The following RFX2 variants were observed in gnomAD, a reference collection of about 807,000 sequenced individuals.
RFX2 encodes regulatory factor X2.
RFX2 carries 20 observed loss-of-function variants against 87.8 expected under a neutral mutation model. The observed-to-expected ratio is 0.23, with a 90% CI of 0.16 to 0.33. The LOEUF is 0.33. RFX2 is among the 10% of genes least tolerant of loss of function. RFX2 has a pLI of 1.00. For missense variants in RFX2, 767 were observed against 1,012.3 expected (o/e 0.76, Z 3.29); for synonymous variants, 397 against 431.3 (o/e 0.92, Z 0.98).
At position 6,044,478 on chromosome 19, in the gene RFX2, G is replaced by A. The variant is rs1176387831; in HGVS notation, c.91-196C>T. Among the ~76,000 whole-genome samples the A allele has an allele frequency of 1.3e-5, 2 of 152,210 alleles. No individual in the cohort carries two copies. The highest frequency in any genetic ancestry group is 2.9e-5 in the Non-Finnish European group (2 of 68,032). On this transcript the variant is annotated intron_variant, in intron 2 of 17. Transcript: ENST00000303657. This position sits in a 1 kb window ranked among gnomAD's most constrained non-coding sequence, Gnocchi z 5.3. ...CTGGGCAGACACACGGCAGGTACGT[G>A]CAGGCACACAAACAATGCACATACA...
chr19:6,104,365 C>T (rs1340073677), intron 1 of RFX2, among the ~76,000 whole-genome samples: 1 of 151,562 alleles, frequency 6.6e-6, no homozygotes, highest in Non-Finnish European at 1.5e-5. Context: ...GTCAGGAGAT[C>T]GAGACCATCC....
intron 7 of RFX2, among the ~76,000 whole-genome samples, chr19:6,014,895 G>A (rs994054228): frequency 2.6e-5 from 4 of 152,216 alleles, no homozygotes; most frequent in Non-Finnish European, 4.4e-5. Flanking sequence ...TTGAGAGCAC[G>A]TGAGTCAGCC....
chr19:6,092,667 C>A (rs1309349232), intron 1 of RFX2, among the ~76,000 whole-genome samples: 1 of 142,278 alleles, frequency 7.0e-6, no homozygotes, highest in Admixed American at 7.5e-5. Context: ...GTCAGTCACA[C>A]GTGGACTGTA....
At position 6,002,974 on chromosome 19, in the gene RFX2, A is replaced by T; in HGVS notation, c.1501-104T>A. ...CTCAGGGACAACACAGGGAGGAGGG[A>T]GCAGGAAACAGCAACCTGGGCAGGG... On this transcript the variant is annotated intron_variant, in intron 13 of 17. Transcript: ENST00000303657. The surrounding 1 kb of genome is among the most constrained non-coding windows in gnomAD (Gnocchi z 6.7). The T allele has an allele frequency of 7.9e-7, 1 of 1,261,178 alleles. No individual in the cohort carries two copies. Among genetic ancestry groups the T allele is most frequent in the Non-Finnish European group, 1.1e-6 (1 of 919,548 alleles). 78.1% of individuals were successfully genotyped at this position (1,261,178 alleles called of 1,614,324 possible). A position where few individuals can be genotyped will look rare whatever the true frequency, so the allele number is the denominator to read the frequency against.
At position 6,056,477 on chromosome 19, in the gene RFX2, G is replaced by T. The variant is rs1045526952; in HGVS notation, c.-8-8973C>A. Among the ~76,000 whole-genome samples, 1 of 152,190 alleles carries T rather than the reference G, an allele frequency of 6.6e-6. No homozygotes were observed. The highest frequency in any genetic ancestry group is 2.4e-5 in the African/African-American group (1 of 41,446). ...GGTCCTCCCAGAAGGGGTGATGCTGGATCCTGAGTAACTCCTCCACCTGGC... is the reference window on the plus strand; with the variant it reads ...GGTCCTCCCAGAAGGGGTGATGCTGTATCCTGAGTAACTCCTCCACCTGGC... On this transcript the variant is annotated intron_variant, in intron 1 of 17. Transcript: ENST00000303657. The surrounding 1 kb of genome is among the most constrained non-coding windows in gnomAD (Gnocchi z 4.6).
intron 1 of RFX2, among the ~76,000 whole-genome samples, chr19:6,087,244 C>T (rs998604321): frequency 1.3e-5 from 2 of 152,130 alleles, no homozygotes; most frequent in African/African-American, 2.4e-5. Context: ...GACGCACACC[C>T]GTCTCCAGCA....
intron 5 of RFX2, among the ~76,000 whole-genome samples, chr19:6,029,271 A>G (rs936718118): frequency 5.3e-5 from 8 of 151,902 alleles, no homozygotes; most frequent in Non-Finnish European, 1.0e-4. Context: ...AAAAAAAAAG[A>G]AAGTATGGCC....
chr19:6,100,089 T>C (rs994099710), intron 1 of RFX2, among the ~76,000 whole-genome samples: 1 of 152,176 alleles, frequency 6.6e-6, no homozygotes, highest in Non-Finnish European at 1.5e-5. Context: ...CAAGTTTCCA[T>C]GGCAAGAGGG....
At position 6,024,653 on chromosome 19, in the gene RFX2, C is replaced by T. The variant is rs1156903651; in HGVS notation, c.597+1510G>A. Among the ~76,000 whole-genome samples, 1 of 152,234 alleles carries T rather than the reference C, an allele frequency of 6.6e-6. No homozygotes were observed. Among genetic ancestry groups the T allele is most frequent in the African/African-American group, 2.4e-5 (1 of 41,460 alleles). On this transcript the variant is annotated intron_variant, in intron 6 of 17. Transcript: ENST00000303657. The surrounding 1 kb of genome is among the most constrained non-coding windows in gnomAD (Gnocchi z 5.0). Reference sequence around the variant, plus strand: ...ATCACTTTCTGCCCCCAGAATCACTCACTGCCTTTTGATAACGCCTCATTT... The same window carrying T: ...ATCACTTTCTGCCCCCAGAATCACTTACTGCCTTTTGATAACGCCTCATTT...
In RFX2 at chr19:5,998,591, C is replaced by T. The variant is rs1179590906; in HGVS notation, c.1860-1378G>A. On this transcript the variant is annotated intron_variant, in intron 15 of 17. Coordinates refer to ENST00000303657, the MANE Select transcript of RFX2 (RefSeq NM_000635.4). The surrounding 1 kb of genome is among the most constrained non-coding windows in gnomAD (Gnocchi z 4.2). ...AGCATAGCTGCAAAGCCCCCAGCCC[C>T]CTCCTGTTCCTCCGGGCCCACCCAG... Among the ~76,000 whole-genome samples, 4 of 152,232 alleles carry T rather than the reference C, an allele frequency of 2.6e-5. No individual in the cohort carries two copies. The highest frequency in any genetic ancestry group is 7.2e-5 in the African/African-American group (3 of 41,472).
rs1386881595 is a variant in RFX2 at position 6,064,309 on chromosome 19, TCTC to T, written c.-8-16808_-8-16806del. 6.6e-6 allele frequency among the ~76,000 whole-genome samples: 1 copy of T among 152,132 alleles called. No individual in the cohort carries two copies. The highest frequency in any genetic ancestry group is 1.5e-5 in the Non-Finnish European group (1 of 68,030). ...TTCCTAAGGCATCATGCTTTTGTGT[TCTC>T]CTTCTCTTACCAGCCTTTCTTTCCC... On this transcript the variant is annotated intron_variant, in intron 1 of 17. Transcript: ENST00000303657. This position sits in a 1 kb window ranked among gnomAD's most constrained non-coding sequence, Gnocchi z 4.8.
Position 6,007,265 on chromosome 19 carries a change from A to G in RFX2, c.1248-99T>C, listed in dbSNP as rs368775640. On this transcript the variant is annotated intron_variant, in intron 11 of 17. Transcript: ENST00000303657. The surrounding 1 kb of genome is among the most constrained non-coding windows in gnomAD (Gnocchi z 8.2). ...GAGCCGGGCTGCGGGACTTTTGCCC[A>G]ACAGTGGGGCTGGGGTTTTGCTCCC... The G allele has an allele frequency of 5.0e-4, 634 of 1,279,504 alleles. 1 individual carries two copies. In the African/African-American group the frequency reaches 8.4e-3, roughly 17 times the overall value. The allele number at this position is 1,279,504 out of a possible 1,614,324, so 79.3% of individuals were successfully genotyped here.
intron 1 of RFX2, among the ~76,000 whole-genome samples, chr19:6,091,702 G>A (rs899796217): frequency 6.6e-6 from 1 of 152,164 alleles, no homozygotes; most frequent in Non-Finnish European, 1.5e-5. Flanking sequence ...AATATCTGTT[G>A]GACACGATCC....
intron 6 of RFX2, chr19:6,019,967 G>A (rs77604025): frequency 0.022 from 3,406 of 152,492 alleles, 317 homozygotes; most frequent in Admixed American, 0.17. Flanking sequence ...AACAGAGGGT[G>A]TCTGGGTGAA....
At chr19:6,042,582 G>A (rs1036609182) in intron 3 of RFX2, among the ~76,000 whole-genome samples, 1 of 152,200 alleles carries the variant, frequency 6.6e-6, no homozygotes, top group Admixed American at 6.5e-5. Flanking sequence ...CAGTGCACAG[G>A]GGGCTGAGCA....
Position 6,016,093 on chromosome 19 carries a change from G to A in RFX2, c.776C>T (p.Thr259Ile), listed in dbSNP as rs2086722798. ...FMGLRTRRLGTRGNSKYHYYG... is the reference protein window; with the variant it reads ...FMGLRTRRLGIRGNSKYHYYG... ...GGGCTGGGGATCGTCTACCCACCTG[G>A]TGCCCAGCCGCCGCGTTCTCAGCCC... The change falls in exon 7 of 18, where the codon ACC becomes ATC. Residue 259 changes from threonine to isoleucine, a missense_variant. By Grantham distance (89) the Thr-to-Ile change is moderately conservative. Around this residue, in one of 2 missense-constraint regions of RFX2, gnomAD observed 621 missense variants for 873.0 expected, o/e 0.71. Coordinates refer to ENST00000303657, the MANE Select transcript of RFX2 (RefSeq NM_000635.4). The surrounding 1 kb of genome is among the most constrained non-coding windows in gnomAD (Gnocchi z 5.4). 2 of 1,597,020 alleles carry A rather than the reference G, an allele frequency of 1.3e-6. No individual in the cohort carries two copies. The highest frequency in any genetic ancestry group is 1.7e-5 in the Admixed American group (1 of 57,732).
At position 6,047,416 on chromosome 19, in the gene RFX2, G is replaced by C; in HGVS notation, c.81C>G (p.Ala27=). The C allele has an allele frequency of 6.2e-7, 1 of 1,607,604 alleles. No homozygotes were observed. Among genetic ancestry groups the C allele is most frequent in the Non-Finnish European group, 8.5e-7 (1 of 1,177,326 alleles). Residue 27 remains alanine (A), a synonymous_variant, in exon 2 of 18, where the codon GCC becomes GCG. Coordinates refer to ENST00000303657, the MANE Select transcript of RFX2 (RefSeq NM_000635.4). This position sits in a 1 kb window ranked among gnomAD's most constrained non-coding sequence, Gnocchi z 4.2. ...GAGAGGCGCGCGTTACCTGCGGGGA[G>C]GCTGGCACAGGCGGGGCTGCCGCCG... is the stretch of plus-strand genomic sequence containing the variant. ...RPSAAAPPVP[A]SPQRVLVQAA...
At chr19:6,049,143 A>AT (rs1279662068) in intron 1 of RFX2, 1 of 152,126 alleles carries the variant, frequency 6.6e-6, no homozygotes, top group East Asian at 1.9e-4. Context: ...GACCTTTGGA[A>AT]TTTTTCTGTT....
At position 5,997,231 on chromosome 19, in the gene RFX2, G is replaced by C. The variant is rs770320295; in HGVS notation, c.1860-18C>G. ...CCATGGAGCTGGGGACAAGCGGACA[G>C]AGGCTGGGGACCCTCAGGGGAGCAT... On this transcript the variant is annotated intron_variant, in intron 15 of 17. Transcript: ENST00000303657. This position sits in a 1 kb window ranked among gnomAD's most constrained non-coding sequence, Gnocchi z 4.2. 1.9e-6 allele frequency: 3 copies of C among 1,604,376 alleles called. No homozygotes were observed. The highest frequency in any genetic ancestry group is 2.5e-6 in the Non-Finnish European group (3 of 1,178,246).
Sources: allele counts gnomAD v4.1 joint callset (sites outside exome capture counted in the v4.1 genomes callset), GRCh38; gene constraint gnomAD v4.1.1; regional missense constraint gnomAD v4.1.1; non-coding constraint Gnocchi (gnomAD v3.1); transcripts MANE v1.5; gene names NCBI Gene and HGNC (gene_info 2026-07-23, HGNC 2026-07-21).